ZNF138: variants seen among roughly 807,000 people sequenced by gnomAD.
ZNF138 encodes the protein zinc finger protein 138, also known as zinc finger protein 138 (clone pHZ-32).
In ZNF138, 33 loss-of-function variants were observed where a neutral mutation model predicts 33.0. The ratio of observed to expected loss-of-function variants is 1.00; its 90% CI spans 0.76 to 1.34. ZNF138 has a LOEUF of 1.34. ZNF138 is among the 40% of genes most tolerant of loss of function. The pLI, the probability that ZNF138 is intolerant of heterozygous loss-of-function variation, is 0.00. For missense variants in ZNF138, 360 were observed against 370.8 expected, an observed-to-expected ratio of 0.97 and a Z score of 0.24; for synonymous variants, 139 against 120.4, an observed-to-expected ratio of 1.15 and a Z score of -1.01.
intron 1 of ZNF138, among the ~76,000 whole-genome samples, chr7:64,803,800 TATCTA>T (rs1295657339): frequency 3.8e-5 from 2 of 52,616 alleles, no homozygotes; most frequent in Middle Eastern, 9.1e-3. Flanking sequence ...ATACTAAGTG[TATCTA>T]ATCAAAAAAG....
At chr7:64,800,461 A>T (rs1222973607) in intron 1 of ZNF138, among the ~76,000 whole-genome samples, 1 of 152,124 alleles carries the variant, frequency 6.6e-6, no homozygotes, top group African/African-American at 2.4e-5. Flanking sequence ...TTTTATCTTT[A>T]TTTTTGTTAA....
chr7:64,831,899 A>AG lies in ZNF138; in HGVS notation c.658dup (p.Glu220GlyfsTer7). ...CTAAACCTAAGAAAATTCATACTGG[A>AG]GAAAAACCCTACAAATGTGAAGTAT... On this transcript the variant is annotated frameshift_variant, in exon 4 of 4. Coordinates refer to ENST00000307355, the MANE Select transcript of ZNF138 (RefSeq NM_001271639.2). LOFTEE classifies it high-confidence loss of function. 1 of 1,613,884 alleles carries AG rather than the reference A, an allele frequency of 6.2e-7. No homozygotes were observed. Among genetic ancestry groups the AG allele is most frequent in the Non-Finnish European group, 8.5e-7 (1 of 1,179,848 alleles).
chr7:64,841,878 C>T, the ZNF138 span, among the ~76,000 whole-genome samples: 1 of 152,094 alleles, frequency 6.6e-6, no homozygotes, highest in East Asian at 1.9e-4. Flanking sequence ...CATACACTGT[C>T]CATAGATCAG....
At chr7:64,846,198 T>C in the ZNF138 span, among the ~76,000 whole-genome samples, 1 of 152,218 alleles carries the variant, frequency 6.6e-6, no homozygotes, top group Non-Finnish European at 1.5e-5. Context: ...AGTAATATGA[T>C]GCCTTCAGAT....
chr7:64,812,060 T>A (rs1788216035), intron 1 of ZNF138, among the ~76,000 whole-genome samples: 1 of 152,198 alleles, frequency 6.6e-6, no homozygotes, highest in Admixed American at 6.5e-5. Context: ...TTATTCTGGG[T>A]GGAAGCATTC....
intron 3 of ZNF138, among the ~76,000 whole-genome samples, chr7:64,825,107 T>C (rs1478914836): frequency 1.4e-5 from 2 of 147,996 alleles, no homozygotes; most frequent in African/African-American, 5.0e-5. Flanking sequence ...TGTGAGCCAC[T>C]GTGCCAGGCC....
intron 3 of ZNF138, among the ~76,000 whole-genome samples, chr7:64,820,946 A>G (rs982021507): frequency 1.3e-5 from 2 of 151,104 alleles, no homozygotes; most frequent in Admixed American, 1.3e-4. Context: ...CCAACAATCA[A>G]CATGGAGTTT....
At chr7:64,801,141 G>A (rs2128986026) in intron 1 of ZNF138, among the ~76,000 whole-genome samples, 1 of 151,992 alleles carries the variant, frequency 6.6e-6, no homozygotes, top group South Asian at 2.1e-4. Flanking sequence ...TTGATCTGTT[G>A]CATAGTTTTT....
the ZNF138 span, among the ~76,000 whole-genome samples, chr7:64,858,150 G>C: frequency 6.6e-6 from 1 of 152,154 alleles, no homozygotes; most frequent in African/African-American, 2.4e-5. Flanking sequence ...TGATGAATAT[G>C]CTTGTTTTGC....
the ZNF138 span, among the ~76,000 whole-genome samples, chr7:64,847,653 C>T: frequency 0.51 from 77,520 of 151,802 alleles, 20,242 homozygotes; most frequent in South Asian, 0.66. Context: ...TTTGCTTTGT[C>T]TGATATAAAA....
intron 1 of ZNF138, among the ~76,000 whole-genome samples, chr7:64,799,807 C>T (rs1268723494): frequency 1.3e-5 from 2 of 152,054 alleles, no homozygotes; most frequent in East Asian, 1.9e-4. Flanking sequence ...CCACGCCTGG[C>T]TAATTTTTTG....
At chr7:64,807,820 T>C (rs1214233293) in intron 1 of ZNF138, among the ~76,000 whole-genome samples, 3 of 152,244 alleles carry the variant, frequency 2.0e-5, no homozygotes, top group African/African-American at 7.2e-5. Context: ...AAATAGAATC[T>C]GATGGCAGAA....
intron 3 of ZNF138, among the ~76,000 whole-genome samples, chr7:64,829,817 T>C (rs1396060604): frequency 6.6e-6 from 1 of 152,116 alleles, no homozygotes; most frequent in Non-Finnish European, 1.5e-5. Flanking sequence ...AGTTATGTTA[T>C]AATGGTAAGG....
chr7:64,812,412 T>A (rs1267270385), intron 1 of ZNF138, among the ~76,000 whole-genome samples: 1 of 152,104 alleles, frequency 6.6e-6, no homozygotes, highest in Admixed American at 6.5e-5. Flanking sequence ...CAGCAGCCTC[T>A]GCCTCCCAAA....
chr7:64,804,386 G>A (rs1399122212), intron 1 of ZNF138, among the ~76,000 whole-genome samples: 2 of 152,138 alleles, frequency 1.3e-5, no homozygotes, highest in Non-Finnish European at 2.9e-5. Context: ...GACCCCCTTG[G>A]AGTTGTGAGC....
chr7:64,807,963 G>A (rs893873681), intron 1 of ZNF138, among the ~76,000 whole-genome samples: 1 of 152,158 alleles, frequency 6.6e-6, no homozygotes, highest in Non-Finnish European at 1.5e-5. Flanking sequence ...TTTTACGCAA[G>A]AGCTAGCCAA....
downstream of ZNF138, among the ~76,000 whole-genome samples, chr7:64,837,256 G>A (rs570921680): frequency 2.1e-3 from 319 of 152,222 alleles, 5 homozygotes; most frequent in Admixed American, 0.02. Flanking sequence ...TTTAGCTGCC[G>A]TCGGTGTTGT....
At chr7:64,828,168 C>T (rs1286119615) in intron 3 of ZNF138, among the ~76,000 whole-genome samples, 1 of 110,722 alleles carries the variant, frequency 9.0e-6, no homozygotes, top group Non-Finnish European at 1.8e-5. Context: ...AATTTAAAAA[C>T]TATCATAATT....
chr7:64,813,946 T>C (rs1788399155), intron 1 of ZNF138: 1 of 856,458 alleles, frequency 1.2e-6, no homozygotes, highest in Non-Finnish European at 1.4e-6. Flanking sequence ...AGTATCTTTA[T>C]GCTGCTGATG....
Sources: gnomAD v4.1 joint callset for allele counts (sites outside exome capture counted in the v4.1 genomes callset) on GRCh38, gnomAD v4.1.1 for gene constraint, MANE v1.5 for transcripts, NCBI Gene and HGNC (gene_info 2026-07-23, HGNC 2026-07-21) for gene names.